DRC8: variants seen among roughly 807,000 people sequenced by gnomAD.
The protein encoded by DRC8 is dynein regulatory complex subunit 8, also known as dynein regulatory complex protein 8.
the DRC8 span, chr1:245,083,620 AG>A: frequency 6.2e-7 from 1 of 1,606,876 alleles, no homozygotes; most frequent in Non-Finnish European, 8.5e-7. Flanking sequence ...CTTTTCCCCT[AG>A]GTTTTAGATT....
chr1:245,112,714 C>T, the DRC8 span, among the ~76,000 whole-genome samples: 1 of 151,982 alleles, frequency 6.6e-6, no homozygotes, highest in Non-Finnish European at 1.5e-5. Context: ...ATGGAAATTC[C>T]ATACTCCTCA....
At chr1:245,093,858 A>G in the DRC8 span, among the ~76,000 whole-genome samples, 1 of 152,210 alleles carries the variant, frequency 6.6e-6, no homozygotes, top group Non-Finnish European at 1.5e-5. Context: ...TGCCAAATAT[A>G]TCTTGCTGGC....
chr1:245,074,547 C>G, the DRC8 span, among the ~76,000 whole-genome samples: 1 of 152,250 alleles, frequency 6.6e-6, no homozygotes, highest in East Asian at 1.9e-4. Context: ...GAGAAACTCT[C>G]GGTTGGAAGT....
the DRC8 span, among the ~76,000 whole-genome samples, chr1:245,119,045 C>A: frequency 6.6e-6 from 1 of 152,110 alleles, no homozygotes; most frequent in African/African-American, 2.4e-5. Context: ...CTGGCGGAGC[C>A]CAACCCATGC....
the DRC8 span, among the ~76,000 whole-genome samples, chr1:245,054,471 C>G: frequency 6.6e-6 from 1 of 152,176 alleles, no homozygotes; most frequent in South Asian, 2.1e-4. Flanking sequence ...ACTCCAGTGG[C>G]TGTTTCTCAG....
At chr1:244,981,961 C>G in the DRC8 span, among the ~76,000 whole-genome samples, 1 of 152,200 alleles carries the variant, frequency 6.6e-6, no homozygotes, top group African/African-American at 2.4e-5. Flanking sequence ...GACACAGGTC[C>G]ACTAAAAGAC....
chr1:244,994,561 C>T, the DRC8 span, among the ~76,000 whole-genome samples: 2 of 152,138 alleles, frequency 1.3e-5, no homozygotes, highest in Non-Finnish European at 2.9e-5. Context: ...TCCCAAGTAG[C>T]TGGGTCTATA....
chr1:245,020,410 C>G, the DRC8 span, among the ~76,000 whole-genome samples: 2 of 150,444 alleles, frequency 1.3e-5, no homozygotes, highest in African/African-American at 5.0e-5. Context: ...AGCTCCGTGA[C>G]TGCGAGTCAC....
the DRC8 span, among the ~76,000 whole-genome samples, chr1:244,984,457 A>C: frequency 6.6e-6 from 1 of 152,184 alleles, no homozygotes; most frequent in East Asian, 1.9e-4. Context: ...TGTTGCAAGA[A>C]TGCAGGAACC....
chr1:244,979,005 A>AT, the DRC8 span, among the ~76,000 whole-genome samples: 1 of 152,192 alleles, frequency 6.6e-6, no homozygotes, highest in African/African-American at 2.4e-5. Flanking sequence ...ATAGTTGCAC[A>AT]TGTATGATGA....
chr1:245,101,634 G>A, the DRC8 span, among the ~76,000 whole-genome samples: 1 of 151,872 alleles, frequency 6.6e-6, no homozygotes, highest in Non-Finnish European at 1.5e-5. Context: ...TATTTTCAAG[G>A]TTTCTCAATA....
the DRC8 span, among the ~76,000 whole-genome samples, chr1:245,092,073 G>A: frequency 6.6e-6 from 1 of 152,184 alleles, no homozygotes; most frequent in African/African-American, 2.4e-5. Context: ...TGAGAGTCTG[G>A]CGATCTTGTG....
the DRC8 span, among the ~76,000 whole-genome samples, chr1:245,100,790 AAATAAT>A: frequency 2.7e-5 from 4 of 150,556 alleles, no homozygotes; most frequent in East Asian, 1.9e-4. Flanking sequence ...TCAACAAAAT[AAATAAT>A]AATAATAATA....
the DRC8 span, among the ~76,000 whole-genome samples, chr1:245,031,775 A>G: frequency 1.3e-5 from 2 of 152,108 alleles, no homozygotes; most frequent in African/African-American, 4.8e-5. Context: ...AAGTTGGTTA[A>G]CAGGATGGCC....
At chr1:245,038,458 A>T in the DRC8 span, among the ~76,000 whole-genome samples, 3 of 147,148 alleles carry the variant, frequency 2.0e-5, no homozygotes, top group African/African-American at 7.9e-5. Flanking sequence ...TGACAGAGTG[A>T]GACTCCGTCT....
At chr1:245,039,832 T>C in the DRC8 span, among the ~76,000 whole-genome samples, 1 of 152,212 alleles carries the variant, frequency 6.6e-6, no homozygotes, top group Non-Finnish European at 1.5e-5. Flanking sequence ...GCGAGAATAC[T>C]ACACACAAGT....
At chr1:245,020,157 G>C in the DRC8 span, among the ~76,000 whole-genome samples, 1 of 152,158 alleles carries the variant, frequency 6.6e-6, no homozygotes, top group Non-Finnish European at 1.5e-5. Context: ...GGTCCCCTGA[G>C]AGGTCTAGGT....
At chr1:244,975,891 A>G in the DRC8 span, among the ~76,000 whole-genome samples, 1 of 152,052 alleles carries the variant, frequency 6.6e-6, no homozygotes, top group East Asian at 1.9e-4. Flanking sequence ...AAAAAATACA[A>G]TAAAGGAATG....
the DRC8 span, among the ~76,000 whole-genome samples, chr1:245,113,328 C>CT: frequency 1.3e-5 from 2 of 152,288 alleles, no homozygotes; most frequent in South Asian, 2.1e-4. Context: ...CTAAGAGTTG[C>CT]TTTCAGGGAT....
Sources: allele counts gnomAD v4.1 joint callset (sites outside exome capture counted in the v4.1 genomes callset), GRCh38; gene constraint gnomAD v4.1.1; transcripts MANE v1.5; gene names NCBI Gene and HGNC (gene_info 2026-07-23, HGNC 2026-07-21).